Variants in ATF3 observed in about 807,000 individuals in gnomAD.
ATF3 encodes the protein activating transcription factor 3.
In ATF3, 10 loss-of-function variants were observed where a neutral mutation model predicts 18.4. That is an observed-to-expected ratio of 0.54 (90% confidence interval 0.34 to 0.92). The LOEUF (loss-of-function observed/expected upper bound fraction) is 0.92. ATF3 is among the 40% of genes least tolerant of loss of function. ATF3 has a pLI of 0.02. For synonymous variants in ATF3, 78 were observed against 87.9 expected (o/e 0.89, Z 0.63); for missense variants, 183 against 222.3 (o/e 0.82, Z 1.12).
chr1:212,586,441 G>A (rs1664781482), intron 1 of ATF3, among the ~76,000 whole-genome samples: 1 of 152,218 alleles, frequency 6.6e-6, no homozygotes, highest in Admixed American at 6.5e-5. Context: ...TGACGTAGCA[G>A]TGACTCCATG....
intron 1 of ATF3, among the ~76,000 whole-genome samples, chr1:212,600,503 C>T (rs897580682): frequency 5.9e-5 from 9 of 152,256 alleles, no homozygotes; most frequent in African/African-American, 1.9e-4. Flanking sequence ...GTGCCTGGAA[C>T]TGTGCAAAGA....
chr1:212,588,328 G>C (rs1164023914), intron 1 of ATF3, among the ~76,000 whole-genome samples: 5 of 152,102 alleles, frequency 3.3e-5, no homozygotes, highest in South Asian at 2.1e-4. Context: ...CCAGGGAAAA[G>C]GTAGAACCAG....
chr1:212,600,563 CA>C (rs1270379080), intron 1 of ATF3, among the ~76,000 whole-genome samples: 1 of 152,262 alleles, frequency 6.6e-6, no homozygotes, highest in Non-Finnish European at 1.5e-5. Flanking sequence ...TCCTGGCACT[CA>C]CAGCCTCTTC....
chr1:212,604,363 C>T (rs1204048026), upstream of ATF3, among the ~76,000 whole-genome samples: 1 of 152,200 alleles, frequency 6.6e-6, no homozygotes, highest in Non-Finnish European at 1.5e-5. Flanking sequence ...GGAATATCTG[C>T]TACCTGGGTT....
At chr1:212,590,389 A>C (rs930113126) in intron 1 of ATF3, among the ~76,000 whole-genome samples, 6 of 151,724 alleles carry the variant, frequency 4.0e-5, no homozygotes, top group Non-Finnish European at 7.4e-5. Flanking sequence ...ATATTGCGCT[A>C]AGTGAAACTT....
At chr1:212,574,245 T>G (rs1664533011) in intron 1 of ATF3, among the ~76,000 whole-genome samples, 1 of 151,928 alleles carries the variant, frequency 6.6e-6, no homozygotes, top group Non-Finnish European at 1.5e-5. Context: ...TTTCATACCT[T>G]TTGATATATT....
intron 1 of ATF3, among the ~76,000 whole-genome samples, chr1:212,597,419 TTATC>T (rs11404416): frequency 0.39 from 59,494 of 150,664 alleles, 12,594 homozygotes; most frequent in Non-Finnish European, 0.44. Context: ...TTACATCTAT[TTATC>T]TATCTATCTA....
chr1:212,610,863 TC>T (rs1275399063), intron 1 of ATF3, among the ~76,000 whole-genome samples: 1 of 152,184 alleles, frequency 6.6e-6, no homozygotes, highest in Non-Finnish European at 1.5e-5. Flanking sequence ...CGGTGGGTGT[TC>T]AGCAGCTTGG....
intron 1 of ATF3, among the ~76,000 whole-genome samples, chr1:212,576,623 G>A (rs1347374455): frequency 6.7e-6 from 1 of 148,764 alleles, no homozygotes; most frequent in Non-Finnish European, 1.5e-5. Flanking sequence ...AGCACTTTTT[G>A]ATTACATGTG....
chr1:212,578,601 C>G (rs1664625102), intron 1 of ATF3, among the ~76,000 whole-genome samples: 1 of 152,028 alleles, frequency 6.6e-6, no homozygotes, highest in African/African-American at 2.4e-5. Context: ...TTAGTTGGCT[C>G]TTTTTTCTAC....
chr1:212,608,040 G>A (rs1038938326), upstream of ATF3, among the ~76,000 whole-genome samples: 4 of 152,212 alleles, frequency 2.6e-5, no homozygotes, highest in Non-Finnish European at 2.9e-5. Context: ...GCCGAGGGCT[G>A]CCCTCCGCTT....
chr1:212,603,784 G>C, upstream of ATF3, among the ~76,000 whole-genome samples: 1 of 143,992 alleles, frequency 6.9e-6, no homozygotes, highest in African/African-American at 2.9e-5. Flanking sequence ...ATATGTGTGT[G>C]TGTGTGTGTG....
At chr1:212,616,854 G>T (rs1036829599) in intron 2 of ATF3, among the ~76,000 whole-genome samples, 1 of 152,138 alleles carries the variant, frequency 6.6e-6, no homozygotes, top group Non-Finnish European at 1.5e-5. Context: ...GAGTTTTCTG[G>T]CCAGCATAGC....
chr1:212,588,678 A>T (rs1664824964), intron 1 of ATF3, among the ~76,000 whole-genome samples: 1 of 152,130 alleles, frequency 6.6e-6, no homozygotes, highest in Non-Finnish European at 1.5e-5. Context: ...GCAACCCCAC[A>T]CCTGATTCCC....
intron 1 of ATF3, among the ~76,000 whole-genome samples, chr1:212,576,923 G>T (rs1664593075): frequency 6.6e-6 from 1 of 151,336 alleles, no homozygotes; most frequent in South Asian, 2.1e-4. Flanking sequence ...AGTAGAGACG[G>T]GGTTTCACCA....
At chr1:212,594,842 A>ATTCT (rs1458560714) in intron 1 of ATF3, among the ~76,000 whole-genome samples, 1 of 152,224 alleles carries the variant, frequency 6.6e-6, no homozygotes, top group African/African-American at 2.4e-5. Context: ...AGGGGAAAGA[A>ATTCT]GAGAGTGTTG....
At chr1:212,581,523 T>C (rs1348747857) in intron 1 of ATF3, among the ~76,000 whole-genome samples, 1 of 152,206 alleles carries the variant, frequency 6.6e-6, no homozygotes, top group Non-Finnish European at 1.5e-5. Flanking sequence ...GAAGAATGTT[T>C]TATGGAATTT....
rs1204371959 is a variant in ATF3, at chr1:212,620,739, G to C, written c.*1184G>C. On this transcript the variant is annotated 3_prime_UTR_variant, in exon 4 of 4. Transcript: ENST00000341491. ...TTATTTATCCTAGTATTCCTAACCT[G>C]TCAGAATAATAAATATTGGAACCAA... 6.6e-6 allele frequency: 1 copy of C among 152,504 alleles called. No homozygotes were observed. Among genetic ancestry groups the C allele is most frequent in the Admixed American group, 6.5e-5 (1 of 15,270 alleles). The allele number at this position is 152,504 out of a possible 1,614,324, so 9.4% of individuals were successfully genotyped here.
intron 1 of ATF3, among the ~76,000 whole-genome samples, chr1:212,600,014 A>G (rs1159749009): frequency 6.6e-6 from 1 of 152,268 alleles, no homozygotes; most frequent in African/African-American, 2.4e-5. Context: ...GAAAAGATCC[A>G]GGGGAAAAAG....
Sources: allele counts gnomAD v4.1 joint callset (sites outside exome capture counted in the v4.1 genomes callset), GRCh38; gene constraint gnomAD v4.1.1; transcripts MANE v1.5; gene names NCBI Gene and HGNC (gene_info 2026-07-23, HGNC 2026-07-21).